ZNF804B: variants seen among roughly 807,000 people sequenced by gnomAD.
ZNF804B encodes the protein zinc finger protein 804B, also known as zinc finger 804B.
ZNF804B carries 80 observed loss-of-function variants against 101.4 expected under a neutral mutation model. That is an observed-to-expected ratio of 0.79 (90% CI 0.66 to 0.95). The LOEUF (loss-of-function observed/expected upper bound fraction) is 0.95. ZNF804B is among the 40% of genes least tolerant of loss of function. The probability of loss-of-function intolerance (pLI) is 0.00; values close to 1 mark genes in which losing one functional copy is unlikely to be tolerated. For synonymous variants in ZNF804B, 622 were observed against 558.8 expected (o/e 1.11, Z -1.59); for missense variants, 1,673 against 1,561.9 (o/e 1.07, Z -1.20).
chr7:88,928,918 T>C (rs553612828), intron 1 of ZNF804B, among the ~76,000 whole-genome samples: 7 of 152,094 alleles, frequency 4.6e-5, no homozygotes, highest in Non-Finnish European at 1.0e-4. Flanking sequence ...AGTTGGCTCA[T>C]ATATGACACT....
rs72429940 is a variant in ZNF804B, at chr7:88,942,501, AGTGT to A, written c.108+182444_108+182447del. Among the ~76,000 whole-genome samples, 526 of 86,952 alleles carry A rather than the reference AGTGT, an allele frequency of 6.0e-3. 5 individuals carry two copies. Among genetic ancestry groups the A allele is most frequent in the African/African-American group, 0.016 (455 of 28,292 alleles). The allele number at this position is 86,952 out of a possible 152,430, so 57.0% of individuals were successfully genotyped here. On this transcript the variant is annotated intron_variant, in intron 1 of 3. Coordinates refer to ENST00000333190, the MANE Select transcript of ZNF804B (RefSeq NM_181646.5). ...TTTTGGTATAAAAGATATTTGAGTG[AGTGT>A]GTGTGTGTGTGTGTGTGTGTGTGTG...
At chr7:88,822,581 A>G (rs1357357278) in intron 1 of ZNF804B, among the ~76,000 whole-genome samples, 1 of 152,150 alleles carries the variant, frequency 6.6e-6, no homozygotes, top group Non-Finnish European at 1.5e-5. Flanking sequence ...CCTCAATTGT[A>G]AAATTGATTC....
chr7:89,112,235 A>G (rs1790228674), intron 1 of ZNF804B, among the ~76,000 whole-genome samples: 2 of 152,164 alleles, frequency 1.3e-5, no homozygotes, highest in Admixed American at 1.3e-4. Context: ...ATCTTATAAA[A>G]CTTTAATAGT....
intron 1 of ZNF804B, among the ~76,000 whole-genome samples, chr7:89,138,017 T>C (rs1790661778): frequency 6.6e-6 from 1 of 152,156 alleles, no homozygotes; most frequent in South Asian, 2.1e-4. Flanking sequence ...GCCCGAGCCT[T>C]GGCAGCTTCT....
chr7:89,298,986 C>T (rs1003111695), intron 2 of ZNF804B, among the ~76,000 whole-genome samples: 6 of 151,944 alleles, frequency 3.9e-5, no homozygotes, highest in African/African-American at 1.4e-4. Flanking sequence ...TTGGACTTAA[C>T]TTGGAGACCT....
intron 1 of ZNF804B, among the ~76,000 whole-genome samples, chr7:89,020,108 A>G (rs12538978): frequency 0.12 from 18,727 of 152,052 alleles, 1,714 homozygotes; most frequent in East Asian, 0.27. Flanking sequence ...TGTAATAAAG[A>G]TAGAACCTTT....
intron 1 of ZNF804B, among the ~76,000 whole-genome samples, chr7:89,183,253 G>A (rs1033542670): frequency 2.0e-5 from 3 of 152,066 alleles, no homozygotes; most frequent in Non-Finnish European, 2.9e-5. Context: ...ATGTATGGGA[G>A]CACCCTGAGG....
At chr7:89,201,527 G>A (rs931179156) in intron 1 of ZNF804B, among the ~76,000 whole-genome samples, 3 of 151,946 alleles carry the variant, frequency 2.0e-5, no homozygotes, top group Non-Finnish European at 2.9e-5. Context: ...CCAAGAAGCA[G>A]AAAGTCCAAG....
intron 1 of ZNF804B, among the ~76,000 whole-genome samples, chr7:89,171,353 T>TTCTTCTTCTTCTTCCTCC (rs1791228725): frequency 2.1e-5 from 2 of 94,944 alleles, no homozygotes; most frequent in Admixed American, 1.0e-4. Flanking sequence ...CTTCTTCTTC[T>TTCTTCTTCTTCTTCCTCC]TCTTCCTCCT....
At chr7:89,316,415 A>C in intron 2 of ZNF804B, among the ~76,000 whole-genome samples, 1 of 152,154 alleles carries the variant, frequency 6.6e-6, no homozygotes, top group East Asian at 1.9e-4. Context: ...TCCCTTTATC[A>C]TAATATGATA....
At chr7:89,086,903 G>A (rs1420548959) in intron 1 of ZNF804B, among the ~76,000 whole-genome samples, 1 of 151,802 alleles carries the variant, frequency 6.6e-6, no homozygotes, top group African/African-American at 2.4e-5. Flanking sequence ...AATGGGTGCA[G>A]CACACCAACA....
intron 1 of ZNF804B, among the ~76,000 whole-genome samples, chr7:88,813,037 A>G (rs1790814473): frequency 6.6e-6 from 1 of 152,184 alleles, no homozygotes; most frequent in East Asian, 1.9e-4. Context: ...ATTTTATGTT[A>G]GGTGGTTTTT....
rs556942788 is a variant in ZNF804B at position 88,980,021 on chromosome 7, A to C, written c.108+219937A>C. Among the ~76,000 whole-genome samples the C allele has an allele frequency of 4.0e-5, 6 of 150,276 alleles. No homozygotes were observed. The South Asian group carries it at 1.3e-3, about 31-fold the overall frequency. ...GTTGAGAAACTCCTATGCATTCTTTAGTATATAAGTTGGATTTTTCAGCTG... is the reference window on the plus strand; with the variant it reads ...GTTGAGAAACTCCTATGCATTCTTTCGTATATAAGTTGGATTTTTCAGCTG... On this transcript the variant is annotated intron_variant, in intron 1 of 3. Coordinates refer to ENST00000333190, the MANE Select transcript of ZNF804B (RefSeq NM_181646.5).
At chr7:88,797,656 A>T (rs1790511274) in intron 1 of ZNF804B, among the ~76,000 whole-genome samples, 1 of 151,990 alleles carries the variant, frequency 6.6e-6, no homozygotes, top group Non-Finnish European at 1.5e-5. Context: ...CAGTGCACAA[A>T]CTCAAACTAG....
At chr7:89,323,410 C>T (rs1350299399) in intron 2 of ZNF804B, among the ~76,000 whole-genome samples, 5 of 152,080 alleles carry the variant, frequency 3.3e-5, no homozygotes, top group African/African-American at 1.2e-4. Flanking sequence ...ATCAATATTT[C>T]AAAATGTTAA....
In ZNF804B at chr7:89,334,954, T is replaced by C. The variant is rs775835411; in HGVS notation, c.1972T>C (p.Ser658Pro). The C allele has an allele frequency of 8.1e-6, 13 of 1,613,936 alleles. No homozygotes were observed. In the South Asian group the frequency reaches 1.4e-4, roughly 18 times the overall value. The stretch of plus-strand genomic sequence containing the variant: ...AGATGAAAGACAATTCAACTGCAAG[T>C]CCAGTCCTTGTACAGTAGGGGGTCA... ...FEDERQFNCKSSPCTVGGHSD... is the reference protein window; with the variant it reads ...FEDERQFNCKPSPCTVGGHSD... The change falls in exon 4 of 4, where the codon TCC becomes CCC. Residue 658 changes from serine to proline, a missense_variant. Ser to Pro is a moderately conservative substitution (Grantham distance 74). Transcript: ENST00000333190.
intron 1 of ZNF804B, among the ~76,000 whole-genome samples, chr7:89,171,291 T>TGCTGCTG (rs1562904397): frequency 0.032 from 1,489 of 46,968 alleles, 14 homozygotes; most frequent in East Asian, 0.087. Flanking sequence ...TGCTGCTGCT[T>TGCTGCTG]CTTCTTCTTC....
At chr7:89,211,282 A>G (rs1251013024) in intron 1 of ZNF804B, among the ~76,000 whole-genome samples, 1 of 149,208 alleles carries the variant, frequency 6.7e-6, no homozygotes, top group Non-Finnish European at 1.5e-5. Context: ...ATTTTCTCCC[A>G]CTCTTTAGGC....
chr7:89,278,956 C>T (rs1308673550), intron 2 of ZNF804B, among the ~76,000 whole-genome samples: 1 of 152,090 alleles, frequency 6.6e-6, no homozygotes, highest in Non-Finnish European at 1.5e-5. Flanking sequence ...TGGCCATTTT[C>T]ACGATATTGA....
Sources: allele counts gnomAD v4.1 joint callset (sites outside exome capture counted in the v4.1 genomes callset), GRCh38; gene constraint gnomAD v4.1.1; transcripts MANE v1.5; gene names NCBI Gene and HGNC (gene_info 2026-07-23, HGNC 2026-07-21).